The following FGGY variants were observed in gnomAD, a reference collection of about 807,000 sequenced individuals.
FGGY encodes FGGY carbohydrate kinase domain containing.
In FGGY, 72 loss-of-function variants were observed where a neutral mutation model predicts 71.3. That is an observed-to-expected ratio of 1.01 (90% CI 0.84 to 1.23). The LOEUF is 1.23. Ranked by LOEUF, FGGY falls within the 50% of genes most tolerant of loss-of-function variation. The probability of loss-of-function intolerance (pLI) is 0.00; values close to 1 mark genes in which losing one functional copy is unlikely to be tolerated. For synonymous variants in FGGY, 251 were observed against 250.3 expected (o/e 1.00, Z -0.02); for missense variants, 668 against 682.3 (o/e 0.98, Z 0.23).
At chr1:59,474,469 G>A (rs2093160668) in intron 6 of FGGY, among the ~76,000 whole-genome samples, 1 of 152,176 alleles carries the variant, frequency 6.6e-6, no homozygotes, top group Non-Finnish European at 1.5e-5. Context: ...CAGAAACCAG[G>A]TCTTCTGACT....
intron 1 of FGGY, chr1:59,310,300 A>C (rs1222669740): frequency 2.0e-5 from 3 of 152,218 alleles, no homozygotes; most frequent in Non-Finnish European, 4.4e-5. Context: ...ATCATTTCAT[A>C]GTTAATTATG....
chr1:59,475,983 T>A (rs900204161), intron 6 of FGGY, among the ~76,000 whole-genome samples: 4 of 152,226 alleles, frequency 2.6e-5, no homozygotes, highest in African/African-American at 9.6e-5. Context: ...GTGATCTCTG[T>A]CTGACTTTTA....
chr1:59,685,319 G>A (rs1412201488), intron 14 of FGGY, among the ~76,000 whole-genome samples: 1 of 152,044 alleles, frequency 6.6e-6, no homozygotes, highest in East Asian at 1.9e-4. Context: ...AGGCACAAGT[G>A]ACTCACCAGG....
intron 4 of FGGY, among the ~76,000 whole-genome samples, chr1:59,358,503 G>T (rs568884076): frequency 6.6e-6 from 1 of 151,606 alleles, no homozygotes; most frequent in Non-Finnish European, 1.5e-5. Context: ...CCACCCCCCC[G>T]CCATGTTTTA....
intron 6 of FGGY, among the ~76,000 whole-genome samples, chr1:59,462,725 C>T (rs555773263): frequency 6.6e-6 from 1 of 152,262 alleles, no homozygotes. Context: ...CATCACTTGC[C>T]ATCAGAGAAA....
chr1:59,470,793 G>A (rs180999419), intron 6 of FGGY, among the ~76,000 whole-genome samples: 3 of 152,270 alleles, frequency 2.0e-5, no homozygotes, highest in Admixed American at 6.5e-5. Context: ...AGTAAAAGTG[G>A]ACATGTTTAC....
chr1:59,528,418 T>C (rs764721885), intron 7 of FGGY, among the ~76,000 whole-genome samples: 22 of 152,164 alleles, frequency 1.4e-4, no homozygotes, highest in Non-Finnish European at 3.1e-4. Context: ...AGAGAGAACC[T>C]TGGTCTGTCT....
At chr1:59,462,512 T>C (rs917195469) in intron 6 of FGGY, among the ~76,000 whole-genome samples, 3 of 151,972 alleles carry the variant, frequency 2.0e-5, no homozygotes, top group Non-Finnish European at 2.9e-5. Flanking sequence ...ACCATCAGAG[T>C]GAACAGGCAA....
chr1:59,750,544 A>G (rs1405856724), intron 14 of FGGY, among the ~76,000 whole-genome samples: 1 of 152,192 alleles, frequency 6.6e-6, no homozygotes, highest in African/African-American at 2.4e-5. Flanking sequence ...ATTATAAATG[A>G]GGTGCCAGTT....
At chr1:59,717,889 T>C (rs1011269176) in intron 14 of FGGY, among the ~76,000 whole-genome samples, 3 of 152,248 alleles carry the variant, frequency 2.0e-5, no homozygotes, top group South Asian at 2.1e-4. Flanking sequence ...TATTAACTTA[T>C]TTAGTCTTCA....
chr1:59,677,906 A>G (rs571548540), intron 14 of FGGY, among the ~76,000 whole-genome samples: 20 of 150,124 alleles, frequency 1.3e-4, no homozygotes, highest in African/African-American at 4.6e-4. Context: ...CCCTTTAGAC[A>G]TCTAAAGTCT....
At chr1:59,370,258 G>C (rs1275291971) in intron 4 of FGGY, among the ~76,000 whole-genome samples, 17 of 152,200 alleles carry the variant, frequency 1.1e-4, no homozygotes, top group Non-Finnish European at 2.1e-4. Flanking sequence ...CGAGAACCAC[G>C]TGAAGAATGC....
At chr1:59,659,241 T>A (rs1273413278) in intron 11 of FGGY, among the ~76,000 whole-genome samples, 3 of 152,130 alleles carry the variant, frequency 2.0e-5, no homozygotes, top group African/African-American at 7.2e-5. Flanking sequence ...TTTGGGTAAC[T>A]GAATGGTGCC....
intron 6 of FGGY, among the ~76,000 whole-genome samples, chr1:59,507,581 A>G (rs2094419041): frequency 1.3e-5 from 2 of 151,638 alleles, no homozygotes; most frequent in African/African-American, 2.4e-5. Flanking sequence ...CAGTGGCGCA[A>G]TCTCGGCTTA....
chr1:59,546,263 T>G (rs1181548431), intron 7 of FGGY, among the ~76,000 whole-genome samples: 2 of 152,276 alleles, frequency 1.3e-5, no homozygotes, highest in East Asian at 3.9e-4. Context: ...GAAACTTAAG[T>G]GATTTGACCT....
Position 59,552,502 on chromosome 1 carries a change from C to A in FGGY, c.800-1622C>A, listed in dbSNP as rs907012901. 1.3e-5 allele frequency among the ~76,000 whole-genome samples: 2 copies of A among 152,208 alleles called. 1 individual carries two copies. Among genetic ancestry groups the A allele is most frequent in the South Asian group, 4.1e-4 (2 of 4,830 alleles). ...AATTTGGAAAAAGCAGTGGAAAACCCTCGAAAGCTGTAAGAGGCCTGTCTC... is the reference window on the plus strand; with the variant it reads ...AATTTGGAAAAAGCAGTGGAAAACCATCGAAAGCTGTAAGAGGCCTGTCTC... On this transcript the variant is annotated intron_variant, in intron 7 of 15. Transcript: ENST00000303721.
chr1:59,655,879 G>T (rs906812878), intron 11 of FGGY, among the ~76,000 whole-genome samples: 1 of 152,172 alleles, frequency 6.6e-6, no homozygotes, highest in African/African-American at 2.4e-5. Flanking sequence ...ATAGTGTCAT[G>T]CAGCTAAATT....
At chr1:59,635,220 C>G (rs934879576) in intron 10 of FGGY, among the ~76,000 whole-genome samples, 14 of 152,134 alleles carry the variant, frequency 9.2e-5, no homozygotes, top group African/African-American at 3.4e-4. Flanking sequence ...GAATGATATA[C>G]TCAGATAGCA....
intron 5 of FGGY, among the ~76,000 whole-genome samples, chr1:59,450,157 A>G (rs1301127649): frequency 2.0e-5 from 3 of 152,142 alleles, no homozygotes; most frequent in Non-Finnish European, 1.5e-5. Flanking sequence ...TCTCCAGATT[A>G]CTTAAATATT....
Sources: gnomAD v4.1 joint callset for allele counts (sites outside exome capture counted in the v4.1 genomes callset) on GRCh38, gnomAD v4.1.1 for gene constraint, MANE v1.5 for transcripts, NCBI Gene and HGNC (gene_info 2026-07-23, HGNC 2026-07-21) for gene names.